The following WRAP53 variants were observed in gnomAD, a reference collection of about 807,000 sequenced individuals.
The protein encoded by WRAP53 is WD repeat containing antisense to TP53.
In WRAP53, 28 loss-of-function variants were observed where a neutral mutation model predicts 56.6. The ratio of observed to expected loss-of-function variants is 0.50; its 90% CI spans 0.37 to 0.68. WRAP53 has a LOEUF of 0.68. Ranked by LOEUF, WRAP53 falls within the 30% of genes least tolerant of loss-of-function variation. The probability of loss-of-function intolerance (pLI) is 0.00; values close to 1 mark genes in which losing one functional copy is unlikely to be tolerated. For synonymous variants in WRAP53, 283 were observed against 283.4 expected (o/e 1.00, Z 0.01); for missense variants, 671 against 715.5 (o/e 0.94, Z 0.71).
At chr17:7,693,031 G>A (rs925184584) in intron 4 of WRAP53, among the ~76,000 whole-genome samples, 4 of 151,402 alleles carry the variant, frequency 2.6e-5, no homozygotes, top group Non-Finnish European at 5.9e-5. Flanking sequence ...ATGAGCCACC[G>A]CGCCCAGCCC....
chr17:7,687,249 C>T (rs1337287109), upstream of WRAP53: 4 of 398,124 alleles, frequency 1.0e-5, no homozygotes, highest in Non-Finnish European at 1.3e-5. Flanking sequence ...TTCCATCCCA[C>T]TCACCCCCAA....
In WRAP53 at chr17:7,702,453, T is replaced by A. The variant is rs1392939921; in HGVS notation, c.1065T>A (p.Asp355Glu). 3 of 1,614,092 alleles carry A rather than the reference T, an allele frequency of 1.9e-6. No individual in the cohort carries two copies. Among genetic ancestry groups the A allele is most frequent in the Non-Finnish European group, 2.5e-6 (3 of 1,180,022 alleles). The change falls in exon 8 of 11, where the codon GAT (aspartate) becomes GAA (glutamate). Residue 355 changes from aspartate (D) to glutamate (E), a missense_variant. Physicochemically the swap from Asp to Glu is conservative, Grantham distance 45. Transcript: ENST00000396463. The surrounding 1 kb of genome is among the most constrained non-coding windows in gnomAD (Gnocchi z 5.0). ...YGRSLGLYAW[D>E]DGSPLALLGG... is the part of the protein sequence containing the mutation. ...GCTCCCTGGGTCTGTATGCCTGGGA[T>A]GATGGCTCCCCTCTCGCCTTGCTGG...
chr17:7,688,940 CTT>C lies in WRAP53; in HGVS notation c.294_295del (p.Ser99Ter). The C allele has an allele frequency of 1.2e-6, 2 of 1,614,172 alleles. No individual in the cohort carries two copies. The highest frequency in any genetic ancestry group is 1.7e-5 in the Admixed American group (1 of 60,004). ...GAGTCCTCGAATCGAGGAGCAAGAA[CTT>C]TCTGAAAATACAAGCCTTCCTGCAG... ...ELSPRIEEQE[L>X]SENTSLPAEE... On this transcript the variant is annotated frameshift_variant, in exon 2 of 11. Coordinates refer to ENST00000396463, the MANE Select transcript of WRAP53 (RefSeq NM_001143992.2). LOFTEE classifies it high-confidence loss of function.
chr17:7,702,795 C>T lies in WRAP53; in HGVS notation c.1217C>T (p.Ser406Phe). The change falls in exon 9 of 11, where the codon TCC becomes TTC. Residue 406 changes from serine (S) to phenylalanine (F), a missense_variant. This residue lies in a region of WRAP53 where 158 missense variants were observed against 215.7 expected (regional missense o/e 0.73). Coordinates refer to ENST00000396463, the MANE Select transcript of WRAP53 (RefSeq NM_001143992.2). The surrounding 1 kb of genome is among the most constrained non-coding windows in gnomAD (Gnocchi z 5.0). ...CGGCAGTCTGGTTACCCACTGTGGT[C>T]CCTGGGTCGAGAGGTGACCACCAAT... is the stretch of plus-strand genomic sequence containing the variant. The part of the protein sequence containing the change: ...DLRQSGYPLW[S>F]LGREVTTNQR... 6.2e-7 allele frequency: 1 copy of T among 1,613,938 alleles called. No individual in the cohort carries two copies. Among genetic ancestry groups the T allele is most frequent in the Non-Finnish European group, 8.5e-7 (1 of 1,180,002 alleles).
upstream of WRAP53, chr17:7,688,382 G>A (rs1243447318): frequency 7.5e-6 from 4 of 533,394 alleles, no homozygotes; most frequent in Non-Finnish European, 1.3e-5. Flanking sequence ...GGTCGCCCGC[G>A]AAATCTGATC....
At position 7,689,006 on chromosome 17, in the gene WRAP53, G is replaced by C. The variant is rs755625682; in HGVS notation, c.358G>C (p.Gly120Arg). The stretch of plus-strand genomic sequence containing the variant: ...GAGCCTTTCTGAAGAAGAAGCGAAC[G>C]GGCCAGAGTTGGGGTCTGGAAAAGC... The part of the protein sequence containing the change: ...NGSLSEEEAN[G>R]PELGSGKAME... The change falls in exon 2 of 11, where the codon GGG (glycine) becomes CGG (arginine). Residue 120 changes from glycine (G) to arginine (R), a missense_variant. Physicochemically the swap from Gly to Arg is moderately radical, Grantham distance 125. Coordinates refer to ENST00000396463, the MANE Select transcript of WRAP53 (RefSeq NM_001143992.2). 6.2e-7 allele frequency: 1 copy of C among 1,614,192 alleles called. No homozygotes were observed. The highest frequency in any genetic ancestry group is 8.5e-7 in the Non-Finnish European group (1 of 1,180,040).
At position 7,703,400 on chromosome 17, in the gene WRAP53, G is replaced by A. The variant is rs967111874; in HGVS notation, c.1561G>A (p.Gly521Arg). 1.9e-6 allele frequency: 3 copies of A among 1,612,662 alleles called. No individual in the cohort carries two copies. Among genetic ancestry groups the A allele is most frequent in the Admixed American group, 3.3e-5 (2 of 59,910 alleles). Residue 521 changes from glycine (G) to arginine (R), a missense_variant, in exon 11 of 11, where the codon GGG (glycine) becomes AGG (arginine). This residue lies in a region of WRAP53 where 107 missense variants were observed against 81.3 expected (regional missense o/e 1.32). Transcript: ENST00000396463. ...TCGGCTTCAGCTCTGGTGGTGTGGG[G>A]GGGCGCCAGACTCCAGCATCCCTGA... Reference protein sequence around the residue: ...ECRLQLWWCGGAPDSSIPDDH... With the variant: ...ECRLQLWWCGRAPDSSIPDDH...
chr17:7,690,457 G>A (rs1333194764), intron 4 of WRAP53, among the ~76,000 whole-genome samples: 1 of 152,174 alleles, frequency 6.6e-6, no homozygotes, highest in Non-Finnish European at 1.5e-5. Flanking sequence ...AAAGCACATT[G>A]CATAAAATGG....
chr17:7,700,653 A>G, intron 4 of WRAP53, 88 bp from the exon 5 acceptor site: 1 of 850,020 alleles, frequency 1.2e-6, no homozygotes, highest in South Asian at 1.3e-5. Context: ...CCATATATAC[A>G]CCCCATCTGC....
In WRAP53 at chr17:7,701,902, C is replaced by T. The variant is rs991594162; in HGVS notation, c.955+113C>T. 3 of 1,513,770 alleles carry T rather than the reference C, an allele frequency of 2.0e-6. No homozygotes were observed. The highest frequency in any genetic ancestry group is 2.8e-5 in the African/African-American group (2 of 72,544). The allele number at this position is 1,513,770 out of a possible 1,614,324, so 93.8% of individuals were successfully genotyped here. A position where few individuals can be genotyped will look rare whatever the true frequency, so the allele number is the denominator to read the frequency against. On this transcript the variant is annotated intron_variant, in intron 7 of 10. Transcript: ENST00000396463. The surrounding 1 kb of genome is among the most constrained non-coding windows in gnomAD (Gnocchi z 4.2). Reference sequence around the variant, plus strand: ...GGGGTTCACGCCGTCCTCTGTACGGCCCCGGGAGCAGGTGCAGCCCAGTCG... The same window carrying T: ...GGGGTTCACGCCGTCCTCTGTACGGTCCCGGGAGCAGGTGCAGCCCAGTCG...
chr17:7,698,264 T>A (rs1417650727), intron 4 of WRAP53, among the ~76,000 whole-genome samples: 1 of 152,154 alleles, frequency 6.6e-6, no homozygotes, highest in Non-Finnish European at 1.5e-5. Flanking sequence ...TAAAGCACAC[T>A]AGCCAAAAAA....
chr17:7,699,325 A>G (rs7223380), intron 4 of WRAP53, among the ~76,000 whole-genome samples: 7,137 of 149,174 alleles, frequency 0.048, 514 homozygotes, highest in African/African-American at 0.15. Context: ...GGAGGCTGAG[A>G]CACAAGAATT....
intron 4 of WRAP53, among the ~76,000 whole-genome samples, chr17:7,700,072 G>A (rs1470300240): frequency 6.6e-6 from 1 of 150,448 alleles, no homozygotes; most frequent in African/African-American, 2.4e-5. Flanking sequence ...TTTTTGGGGG[G>A]CACTGTCTCT....
At chr17:7,696,379 A>G (rs2074185705) in intron 4 of WRAP53, among the ~76,000 whole-genome samples, 2 of 145,318 alleles carry the variant, frequency 1.4e-5, no homozygotes, top group Admixed American at 1.4e-4. Flanking sequence ...GTTCACTGCA[A>G]GCTCCGCCTC....
rs1358493187 is a variant in WRAP53, at chr17:7,688,697, G to A, written c.49G>A (p.Asp17Asn). ...GTTAGCTCCGGACTGCTGTCCTTCA[G>A]ACCAGGACCCAGCTCCAGCCCATCC... ...QPLAPDCCPS[D>N]QDPAPAHPSP... Residue 17 changes from aspartate to asparagine, a missense_variant, in exon 2 of 11, where the codon GAC becomes AAC. Asp to Asn is a conservative substitution (Grantham distance 23, BLOSUM62 1). Coordinates refer to ENST00000396463, the MANE Select transcript of WRAP53 (RefSeq NM_001143992.2). The A allele has an allele frequency of 1.2e-6, 2 of 1,614,168 alleles. No homozygotes were observed. Among genetic ancestry groups the A allele is most frequent in the South Asian group, 2.2e-5 (2 of 91,080 alleles).
Position 7,702,380 on chromosome 17 carries a change from T to C in WRAP53, c.992T>C (p.Ile331Thr), listed in dbSNP as rs1413409146. 6.2e-7 allele frequency: 1 copy of C among 1,614,156 alleles called. No individual in the cohort carries two copies. The highest frequency in any genetic ancestry group is 1.7e-5 in the Admixed American group (1 of 60,018). Residue 331 changes from isoleucine (I) to threonine (T), a missense_variant, in exon 8 of 11, where the codon ATA (isoleucine) becomes ACA (threonine). Physicochemically the swap from Ile to Thr is moderately conservative, Grantham distance 89. Around this residue, in one of 3 missense-constraint regions of WRAP53, gnomAD observed 158 missense variants for 215.7 expected, o/e 0.73. Coordinates refer to ENST00000396463, the MANE Select transcript of WRAP53 (RefSeq NM_001143992.2). The surrounding 1 kb of genome is among the most constrained non-coding windows in gnomAD (Gnocchi z 5.0). ...KQGQSGIISC[I>T]AFSPAQPLYA... ...GGCCAGAGCGGCATCATCTCCTGCA[T>C]AGCCTTCAGCCCAGCCCAGCCCCTC... is the stretch of plus-strand genomic sequence containing the variant.
chr17:7,701,863 G>A lies in WRAP53; in HGVS notation c.955+74G>A, dbSNP rs565441725. On this transcript the variant is annotated intron_variant, in intron 7 of 10. Coordinates refer to ENST00000396463, the MANE Select transcript of WRAP53 (RefSeq NM_001143992.2). This position sits in a 1 kb window ranked among gnomAD's most constrained non-coding sequence, Gnocchi z 4.2. ...CCTGCACAGGGGCCTTTTGTGAGCC[G>A]GGGGCCACCTGTGGGGGTTCACGCC... is the stretch of plus-strand genomic sequence containing the variant. 1.1e-5 allele frequency: 17 copies of A among 1,562,244 alleles called. No homozygotes were observed. The highest frequency in any genetic ancestry group is 6.9e-5 in the South Asian group (6 of 86,482).
intron 4 of WRAP53, among the ~76,000 whole-genome samples, chr17:7,690,395 A>G (rs191170108): frequency 2.8e-4 from 43 of 152,354 alleles, no homozygotes; most frequent in Admixed American, 2.7e-3. Flanking sequence ...GACCAAGATG[A>G]TGATAAATGC....
intron 4 of WRAP53, among the ~76,000 whole-genome samples, chr17:7,692,621 A>G (rs541793423): frequency 1.5e-5 from 1 of 66,022 alleles, no homozygotes; most frequent in Non-Finnish European, 3.5e-5. Context: ...ACTCCGTCTC[A>G]AAAAAAAAAA....
Sources: gnomAD v4.1 joint callset for allele counts (sites outside exome capture counted in the v4.1 genomes callset) on GRCh38, gnomAD v4.1.1 for gene constraint, gnomAD v4.1.1 regional missense constraint, Gnocchi (gnomAD v3.1) non-coding constraint, MANE v1.5 for transcripts, NCBI Gene and HGNC (gene_info 2026-07-23, HGNC 2026-07-21) for gene names.